FBXL5: variants seen among roughly 807,000 people sequenced by gnomAD.
FBXL5 encodes F-box and leucine rich repeat protein 5.
FBXL5 carries 26 observed loss-of-function variants against 78.3 expected under a neutral mutation model. The observed-to-expected ratio is 0.33, with a 90% CI of 0.24 to 0.46. The LOEUF is 0.46. Ranked by LOEUF, FBXL5 falls within the 20% of genes least tolerant of loss-of-function variation. The pLI, the probability that FBXL5 is intolerant of heterozygous loss-of-function variation, is 1.00. For synonymous variants in FBXL5, 295 were observed against 282.5 expected, an observed-to-expected ratio of 1.04 and a Z score of -0.45; for missense variants, 710 against 829.2, an observed-to-expected ratio of 0.86 and a Z score of 1.77.
intron 1 of FBXL5, among the ~76,000 whole-genome samples, 176 bp from the exon 2 acceptor site, chr4:15,644,884 G>A (rs1031106979): frequency 6.6e-6 from 1 of 152,190 alleles, no homozygotes; most frequent in Non-Finnish European, 1.5e-5. Flanking sequence ...AATAAAAAGT[G>A]CACTAGGCCA....
At chr4:15,663,706 T>A (rs550271657), upstream of FBXL5, among the ~76,000 whole-genome samples, 5 of 152,280 alleles carry the variant, frequency 3.3e-5, no homozygotes, top group East Asian at 9.6e-4. Context: ...AATTTTTTTT[T>A]AAAGAAAAAT....
intron 9 of FBXL5, among the ~76,000 whole-genome samples, chr4:15,622,108 C>A (rs1290058148): frequency 6.6e-6 from 1 of 152,210 alleles, no homozygotes; most frequent in Non-Finnish European, 1.5e-5. Flanking sequence ...GCTGGGATTA[C>A]AGGTGTAAGC....
chr4:15,620,417 T>C (rs115129351), intron 9 of FBXL5, among the ~76,000 whole-genome samples: 2 of 152,184 alleles, frequency 1.3e-5, no homozygotes, highest in South Asian at 2.1e-4. Context: ...TTTGCAGAAA[T>C]AGAAAAAACC....
intron 1 of FBXL5, among the ~76,000 whole-genome samples, chr4:15,654,753 G>A (rs1343883382): frequency 6.6e-6 from 1 of 152,172 alleles, no homozygotes; most frequent in African/African-American, 2.4e-5. Context: ...GGAGAGCCCC[G>A]AACAGGCCCG....
At chr4:15,673,738 TTC>T (rs1433538615) in intron 1 of FBXL5, among the ~76,000 whole-genome samples, 6 of 152,196 alleles carry the variant, frequency 3.9e-5, no homozygotes, top group African/African-American at 1.2e-4. Context: ...ATCACTAGAA[TTC>T]TCTCTCTATG....
At chr4:15,630,992 G>C (rs1008614557) in intron 5 of FBXL5, among the ~76,000 whole-genome samples, 2 of 152,180 alleles carry the variant, frequency 1.3e-5, no homozygotes, top group African/African-American at 4.8e-5. Context: ...AGGTATATAT[G>C]TGCCATGTTG....
chr4:15,615,759 C>T lies in FBXL5; in HGVS notation c.1851-3345G>A, dbSNP rs1034462897. Among the ~76,000 whole-genome samples, 17 of 151,804 alleles carry T rather than the reference C, an allele frequency of 1.1e-4. No individual in the cohort carries two copies. In the South Asian group the frequency reaches 3.3e-3, roughly 30 times the overall value. ...TTGTATCTAGCTCAGGGATTGTAAA[C>T]GCACCAATCAGCGCCCTGACAAAAA... On this transcript the variant is annotated intron_variant, in intron 9 of 10. Transcript: ENST00000341285.
At chr4:15,676,505 A>G (rs1309317494) in intron 1 of FBXL5, among the ~76,000 whole-genome samples, 1 of 152,224 alleles carries the variant, frequency 6.6e-6, no homozygotes, top group African/African-American at 2.4e-5. Context: ...ATAAAATGAA[A>G]TATGTGGACA....
intron 1 of FBXL5, among the ~76,000 whole-genome samples, chr4:15,670,133 ATTCT>A (rs1241898909): frequency 4.6e-5 from 7 of 152,228 alleles, no homozygotes; most frequent in African/African-American, 1.7e-4. Flanking sequence ...GCTAAGTAGT[ATTCT>A]CATATGTGTT....
chr4:15,678,242 C>T (rs1301133206), intron 1 of FBXL5, among the ~76,000 whole-genome samples: 1 of 152,130 alleles, frequency 6.6e-6, no homozygotes, highest in East Asian at 1.9e-4. Flanking sequence ...TTCTCATTTG[C>T]AATTTTATCT....
At chr4:15,670,452 C>T (rs1420704215) in intron 1 of FBXL5, among the ~76,000 whole-genome samples, 1 of 152,094 alleles carries the variant, frequency 6.6e-6, no homozygotes, top group Non-Finnish European at 1.5e-5. Flanking sequence ...TTGGTGTTAC[C>T]ATCATATCTT....
At chr4:15,644,858 C>T in intron 1 of FBXL5, 150 bp from the exon 2 acceptor site, 1 of 628,506 alleles carries the variant, frequency 1.6e-6, no homozygotes, top group Non-Finnish European at 2.7e-6. Context: ...CATAAATTAA[C>T]AAGTTATAAT....
chr4:15,630,427 C>CAT (rs1352364366), intron 6 of FBXL5, among the ~76,000 whole-genome samples: 1 of 152,040 alleles, frequency 6.6e-6, no homozygotes, highest in African/African-American at 2.4e-5. Flanking sequence ...AAAAAGGTAC[C>CAT]ATTTTCTGAT....
chr4:15,630,564 T>C lies in FBXL5; in HGVS notation c.892+102A>G, dbSNP rs780211295. Reference sequence around the variant, plus strand: ...GTAGGCTTAGAAACACCAGTTTCTTTAGAAAACACAAAATACATAAATCTA... The same window carrying C: ...GTAGGCTTAGAAACACCAGTTTCTTCAGAAAACACAAAATACATAAATCTA... On this transcript the variant is annotated intron_variant, in intron 6 of 10. Transcript: ENST00000341285. 19 of 1,136,600 alleles carry C rather than the reference T, an allele frequency of 1.7e-5. 1 individual carries two copies. Among genetic ancestry groups the C allele is most frequent in the Admixed American group, 3.4e-5 (1 of 29,308 alleles). 70.4% of individuals were successfully genotyped at this position (1,136,600 alleles called of 1,614,324 possible). A position where few individuals can be genotyped will look rare whatever the true frequency, so the allele number is the denominator to read the frequency against.
intron 9 of FBXL5, among the ~76,000 whole-genome samples, chr4:15,621,124 C>T (rs1042999038): frequency 2.6e-5 from 4 of 152,194 alleles, no homozygotes; most frequent in South Asian, 2.1e-4. Flanking sequence ...AGGGTCTCCC[C>T]GACCGAGCTG....
chr4:15,651,590 G>C (rs1716056724), intron 1 of FBXL5, among the ~76,000 whole-genome samples: 1 of 152,096 alleles, frequency 6.6e-6, no homozygotes, highest in Non-Finnish European at 1.5e-5. Flanking sequence ...ATGGCGGAGG[G>C]GGGAAGGAAA....
At chr4:15,606,394 C>T (rs780223798) in intron 10 of FBXL5, among the ~76,000 whole-genome samples, 65 of 151,638 alleles carry the variant, frequency 4.3e-4, no homozygotes, top group Non-Finnish European at 4.6e-4. Context: ...AAACTGTAGC[C>T]ATAGTAAAAA....
chr4:15,606,829 G>A (rs1337977429), intron 10 of FBXL5, among the ~76,000 whole-genome samples: 2 of 152,118 alleles, frequency 1.3e-5, no homozygotes, highest in African/African-American at 4.8e-5. Flanking sequence ...GTACTCTGGG[G>A]TGATATCTAG....
chr4:15,625,365 A>C lies in FBXL5; in HGVS notation c.1737T>G (p.Pro579=), dbSNP rs1712928581. The C allele has an allele frequency of 1.2e-6, 2 of 1,614,076 alleles. No homozygotes were observed. The highest frequency in any genetic ancestry group is 1.7e-6 in the Non-Finnish European group (2 of 1,180,038). Residue 579 remains proline (P), a synonymous_variant, in exon 9 of 11, where the codon CCT becomes CCG. Coordinates refer to ENST00000341285, the MANE Select transcript of FBXL5 (RefSeq NM_012161.4). ...MCRKAARTRL[P]RGKDLIYFGS... Reference sequence around the variant, plus strand: ...CAAAGTAAATTAAGTCTTTTCCCCTAGGCAATCTAGTCCTTGCTGCTTTTC... The same window carrying C: ...CAAAGTAAATTAAGTCTTTTCCCCTCGGCAATCTAGTCCTTGCTGCTTTTC...
Sources: allele counts gnomAD v4.1 joint callset (sites outside exome capture counted in the v4.1 genomes callset), GRCh38; gene constraint gnomAD v4.1.1; transcripts MANE v1.5; gene names NCBI Gene and HGNC (gene_info 2026-07-23, HGNC 2026-07-21).